The following C8orf34 variants were observed in gnomAD, a reference collection of about 807,000 sequenced individuals.
C8orf34 encodes the protein uncharacterized protein C8orf34.
A neutral mutation model predicts 68.3 loss-of-function variants in C8orf34; 65 were observed. The ratio of observed to expected loss-of-function variants is 0.95; its 90% CI spans 0.78 to 1.17. C8orf34 has a LOEUF of 1.17. C8orf34 is among the 50% of genes most tolerant of loss of function. The probability of loss-of-function intolerance (pLI) is 0.00; values close to 1 mark genes in which losing one functional copy is unlikely to be tolerated. For synonymous variants in C8orf34, 244 were observed against 241.2 expected (o/e 1.01, Z -0.11); for missense variants, 664 against 655.4 (o/e 1.01, Z -0.14).
chr8:68,603,743 G>A (rs1360674585), intron 7 of C8orf34, among the ~76,000 whole-genome samples: 2 of 152,010 alleles, frequency 1.3e-5, no homozygotes, highest in East Asian at 1.9e-4. Context: ...ATGAGTATAG[G>A]TATTGGCTGA....
intron 12 of C8orf34, among the ~76,000 whole-genome samples, chr8:68,814,472 C>A (rs1824748622): frequency 6.6e-6 from 1 of 152,328 alleles, no homozygotes; most frequent in East Asian, 1.9e-4. Flanking sequence ...AGATTTCTAA[C>A]AATTCACCAA....
At chr8:68,463,603 G>T (rs901820967) in intron 3 of C8orf34, among the ~76,000 whole-genome samples, 2 of 152,084 alleles carry the variant, frequency 1.3e-5, no homozygotes, top group African/African-American at 4.8e-5. Flanking sequence ...ATGATCAACT[G>T]GGCTTCATCC....
chr8:68,767,725 T>C (rs1156642274), intron 10 of C8orf34, among the ~76,000 whole-genome samples: 1 of 152,178 alleles, frequency 6.6e-6, no homozygotes, highest in Non-Finnish European at 1.5e-5. Flanking sequence ...CTTTGAACCC[T>C]AACTCCTGGG....
At position 68,470,876 on chromosome 8, in the gene C8orf34, G is replaced by A. The variant is rs188764482; in HGVS notation, c.736+2056G>A. 7.8e-4 allele frequency among the ~76,000 whole-genome samples: 118 copies of A among 152,144 alleles called. 1 individual carries two copies. The East Asian group carries it at 9.5e-3, about 12-fold the overall frequency. ...CCACCTCCTAACACCATCACATTGC[G>A]GATTAGAGTTTAGCTTATGAGTTTT... On this transcript the variant is annotated intron_variant, in intron 4 of 13. Coordinates refer to ENST00000518698, the MANE Select transcript of C8orf34 (RefSeq NM_052958.4).
At chr8:68,476,660 C>G (rs969641301) in intron 4 of C8orf34, among the ~76,000 whole-genome samples, 1 of 152,126 alleles carries the variant, frequency 6.6e-6, no homozygotes, top group Non-Finnish European at 1.5e-5. Flanking sequence ...CATACATATT[C>G]AGTAGATTTG....
intron 8 of C8orf34, among the ~76,000 whole-genome samples, chr8:68,652,363 G>C (rs1819387995): frequency 6.6e-6 from 1 of 152,072 alleles, no homozygotes; most frequent in South Asian, 2.1e-4. Context: ...CATTCTGAGG[G>C]TTTTCACTTT....
In C8orf34 at chr8:68,606,506, A is replaced by G. The variant is rs563368287; in HGVS notation, c.1106-33870A>G. Among the ~76,000 whole-genome samples the G allele has an allele frequency of 2.6e-5, 4 of 152,278 alleles. No individual in the cohort carries two copies. The East Asian group carries it at 5.8e-4, about 22-fold the overall frequency. ...TAATCTACTAATTGGCTTTCTAATA[A>G]TCAGAGGTTGCTGTATTTTAAGAGA... On this transcript the variant is annotated intron_variant, in intron 7 of 13. Transcript: ENST00000518698.
At chr8:68,761,214 C>T (rs1823015076) in intron 10 of C8orf34, among the ~76,000 whole-genome samples, 1 of 152,144 alleles carries the variant, frequency 6.6e-6, no homozygotes, top group Non-Finnish European at 1.5e-5. Context: ...TACCAATCTG[C>T]CTCAATGTGG....
chr8:68,746,643 A>G (rs1361685828), intron 10 of C8orf34, among the ~76,000 whole-genome samples: 2 of 149,506 alleles, frequency 1.3e-5, no homozygotes, highest in Non-Finnish European at 3.0e-5. Context: ...GAAGAAATGG[A>G]TAAATTCCTC....
intron 5 of C8orf34, among the ~76,000 whole-genome samples, chr8:68,521,408 C>A (rs1025639661): frequency 1.3e-5 from 2 of 152,170 alleles, no homozygotes; most frequent in East Asian, 1.9e-4. Flanking sequence ...TCCCTATCCC[C>A]TGACCCCAAC....
intron 7 of C8orf34, among the ~76,000 whole-genome samples, chr8:68,616,170 T>C (rs531261204): frequency 6.6e-6 from 1 of 151,780 alleles, no homozygotes; most frequent in African/African-American, 2.4e-5. Context: ...GTCTATTTGA[T>C]TCTTCTCTCT....
chr8:68,692,405 G>A (rs959847359), intron 8 of C8orf34, among the ~76,000 whole-genome samples: 51 of 151,908 alleles, frequency 3.4e-4, no homozygotes, highest in Non-Finnish European at 2.1e-4. Flanking sequence ...CAGATTAACA[G>A]GAGAAAAACA....
At chr8:68,773,995 C>T (rs1188741059) in intron 10 of C8orf34, among the ~76,000 whole-genome samples, 1 of 152,172 alleles carries the variant, frequency 6.6e-6, no homozygotes, top group Non-Finnish European at 1.5e-5. Flanking sequence ...AAACACATCG[C>T]CCTCTTCAGT....
At chr8:68,333,577 C>T (rs1014422107) in intron 1 of C8orf34, among the ~76,000 whole-genome samples, 2 of 152,170 alleles carry the variant, frequency 1.3e-5, no homozygotes, top group Admixed American at 1.3e-4. Context: ...GTGTAGCCTA[C>T]TTGTTTCATG....
intron 5 of C8orf34, among the ~76,000 whole-genome samples, chr8:68,514,806 C>CAGTT (rs1474320386): frequency 3.9e-5 from 6 of 152,042 alleles, no homozygotes; most frequent in Non-Finnish European, 8.8e-5. Flanking sequence ...AACAGTGTAA[C>CAGTT]AGTTACCCAA....
chr8:68,793,267 C>G (rs1824067301), intron 12 of C8orf34, among the ~76,000 whole-genome samples: 1 of 152,140 alleles, frequency 6.6e-6, no homozygotes, highest in African/African-American at 2.4e-5. Flanking sequence ...TCAGTTAAAA[C>G]TACATACTTC....
At chr8:68,379,174 T>C (rs1382011148) in intron 1 of C8orf34, among the ~76,000 whole-genome samples, 2 of 152,268 alleles carry the variant, frequency 1.3e-5, no homozygotes, top group African/African-American at 4.8e-5. Flanking sequence ...CATTTATTTG[T>C]AAACAACCTA....
chr8:68,794,499 A>T lies in C8orf34; in HGVS notation c.1549+6963A>T, dbSNP rs1307915733. Among the ~76,000 whole-genome samples, 166 of 81,804 alleles carry T rather than the reference A, an allele frequency of 2.0e-3. 1 individual carries two copies. The highest frequency in any genetic ancestry group is 0.013 in the African/African-American group (152 of 11,884). The allele number at this position is 81,804 out of a possible 152,430, so 53.7% of individuals were successfully genotyped here. ...TAAATATAAATATATATATATATAT[A>T]TATATATTTTTTTTTTTTTTTTTTA... is the stretch of plus-strand genomic sequence containing the variant. On this transcript the variant is annotated intron_variant, in intron 12 of 13. Transcript: ENST00000518698.
intron 7 of C8orf34, among the ~76,000 whole-genome samples, chr8:68,569,314 G>C (rs1434295676): frequency 6.6e-6 from 1 of 152,264 alleles, no homozygotes; most frequent in Non-Finnish European, 1.5e-5. Context: ...GAGTGAGGCT[G>C]TCGCCTCTAC....
Sources: allele counts gnomAD v4.1 joint callset (sites outside exome capture counted in the v4.1 genomes callset), GRCh38; gene constraint gnomAD v4.1.1; transcripts MANE v1.5; gene names NCBI Gene and HGNC (gene_info 2026-07-23, HGNC 2026-07-21).